Variants in CCDC15 observed in about 807,000 individuals in gnomAD.
CCDC15 encodes the protein coiled-coil domain containing 15.
In CCDC15, 105 loss-of-function variants were observed where a neutral mutation model predicts 114.5. The ratio of observed to expected loss-of-function variants is 0.92; its 90% confidence interval spans 0.78 to 1.08. CCDC15 has a LOEUF of 1.08. Among genes scored for constraint, CCDC15 ranks in the 50% least tolerant of loss-of-function variants. The pLI is 0.00. For synonymous variants in CCDC15, 334 were observed against 377.8 expected (o/e 0.88, Z 1.34); for missense variants, 1,105 against 1,093.6 (o/e 1.01, Z -0.15).
intron 13 of CCDC15, among the ~76,000 whole-genome samples, chr11:125,027,152 A>T (rs912750507): frequency 1.3e-5 from 2 of 152,100 alleles, no homozygotes; most frequent in African/African-American, 4.8e-5. Flanking sequence ...ATGGACATTT[A>T]TGTTGGTTCC....
chr11:125,011,244 TA>T (rs1034391474), intron 13 of CCDC15, among the ~76,000 whole-genome samples: 56 of 146,814 alleles, frequency 3.8e-4, no homozygotes, highest in East Asian at 9.8e-4. Flanking sequence ...TTATTATTAT[TA>T]TTATTTTTTA....
intron 13 of CCDC15, among the ~76,000 whole-genome samples, chr11:125,031,309 A>G (rs1948737669): frequency 6.6e-6 from 1 of 152,060 alleles, no homozygotes; most frequent in African/African-American, 2.4e-5. Context: ...ATCACAGGGA[A>G]CTCCCCATGA....
intron 13 of CCDC15, among the ~76,000 whole-genome samples, chr11:125,025,069 TATATGAATATATATGAATATATATATGA>T (rs1565382072): frequency 2.2e-4 from 13 of 59,460 alleles, no homozygotes; most frequent in African/African-American, 7.6e-4. Context: ...TATATATGAA[TATATGAATATATATGAATATATATATGA>T]ATATATATGA....
chr11:125,009,176 G>A (rs909585964), intron 13 of CCDC15, among the ~76,000 whole-genome samples: 4 of 151,032 alleles, frequency 2.6e-5, no homozygotes, highest in Admixed American at 6.6e-5. Flanking sequence ...GCAGTGAGCC[G>A]AGATCGTGCC....
At chr11:124,967,917 G>T (rs1364479416) in intron 4 of CCDC15, among the ~76,000 whole-genome samples, 2 of 152,168 alleles carry the variant, frequency 1.3e-5, no homozygotes, top group Admixed American at 6.5e-5. Flanking sequence ...GTTGGAGTTT[G>T]CTGGAGGTCC....
intron 2 of CCDC15, 39 bp downstream of exon 2, chr11:124,954,948 A>G: frequency 6.3e-7 from 1 of 1,589,266 alleles, no homozygotes; most frequent in Non-Finnish European, 8.6e-7. Context: ...GGGGTTCCCC[A>G]CCACCCTTTT....
At chr11:125,025,067 A>AATATATATATGAATATATGAAT (rs1365002248) in intron 13 of CCDC15, among the ~76,000 whole-genome samples, 1 of 115,110 alleles carries the variant, frequency 8.7e-6, no homozygotes, top group East Asian at 2.2e-4. Flanking sequence ...TATATATATG[A>AATATATATATGAATATATGAAT]ATATATGAAT....
In CCDC15 at chr11:124,986,710, C is replaced by G. The variant is rs764033281; in HGVS notation, c.754-32C>G. 1.3e-5 allele frequency: 18 copies of G among 1,423,468 alleles called. 1 individual carries two copies. The highest frequency in any genetic ancestry group is 1.7e-5 in the Non-Finnish European group (18 of 1,066,656). The allele number at this position is 1,423,468 out of a possible 1,614,324, so 88.2% of individuals were successfully genotyped here. A position where few individuals can be genotyped will look rare whatever the true frequency, so the allele number is the denominator to read the frequency against. ...GTGTGTTTGTGTGTGTGCGCGCGCG[C>G]GCGTGCGCGTTTTCATTGTTTTTTT... On this transcript the variant is annotated intron_variant, in intron 6 of 15. Transcript: ENST00000344762.
At chr11:125,036,985 T>C (rs1948779759) in intron 13 of CCDC15, among the ~76,000 whole-genome samples, 1 of 152,204 alleles carries the variant, frequency 6.6e-6, no homozygotes, top group Non-Finnish European at 1.5e-5. Flanking sequence ...GTGACTTATT[T>C]AGTTCTTTTG....
intron 13 of CCDC15, among the ~76,000 whole-genome samples, chr11:125,022,564 G>A (rs1457726346): frequency 1.3e-5 from 2 of 151,892 alleles, no homozygotes; most frequent in African/African-American, 4.8e-5. Flanking sequence ...ACCATCTCTT[G>A]TGTGTTTTTC....
At chr11:125,021,844 C>T (rs1200285690) in intron 13 of CCDC15, among the ~76,000 whole-genome samples, 2 of 151,944 alleles carry the variant, frequency 1.3e-5, no homozygotes, top group Non-Finnish European at 2.9e-5. Flanking sequence ...TAGAGAATTA[C>T]ACCAGTAACT....
intron 13 of CCDC15, 122 bp from the exon 14 acceptor site, chr11:125,038,309 A>T: frequency 1.6e-6 from 1 of 621,910 alleles, no homozygotes; most frequent in Non-Finnish European, 2.6e-6. Flanking sequence ...TATTCTTGGG[A>T]TATTAAACTG....
chr11:124,970,572 G>T (rs974307138), intron 4 of CCDC15, among the ~76,000 whole-genome samples: 3 of 152,004 alleles, frequency 2.0e-5, no homozygotes, highest in Non-Finnish European at 4.4e-5. Context: ...ACTTTACATT[G>T]GTATTAGTCC....
At chr11:124,960,471 T>A (rs34267421) in intron 4 of CCDC15, among the ~76,000 whole-genome samples, 30,926 of 152,026 alleles carry the variant, frequency 0.2, 3,748 homozygotes, top group African/African-American at 0.34. Flanking sequence ...AGTTTGTAAT[T>A]TACAGAGAGA....
chr11:124,961,296 G>A (rs1299023976), intron 4 of CCDC15, among the ~76,000 whole-genome samples: 3 of 152,132 alleles, frequency 2.0e-5, no homozygotes, highest in Non-Finnish European at 2.9e-5. Context: ...GGATTGTAGC[G>A]ATACTAAGGA....
intron 11 of CCDC15, among the ~76,000 whole-genome samples, chr11:125,000,330 A>G (rs563953273): frequency 6.6e-6 from 1 of 152,262 alleles, no homozygotes; most frequent in African/African-American, 2.4e-5. Flanking sequence ...TTAGTTTTCA[A>G]AGCTTTCATT....
intron 4 of CCDC15, among the ~76,000 whole-genome samples, chr11:124,974,200 C>T (rs949321162): frequency 2.8e-4 from 42 of 152,108 alleles, no homozygotes; most frequent in African/African-American, 8.4e-4. Context: ...GTCTCGGTCT[C>T]GAACTCCTGA....
At chr11:124,998,304 C>A (rs1419471446) in intron 11 of CCDC15, among the ~76,000 whole-genome samples, 1 of 152,096 alleles carries the variant, frequency 6.6e-6, no homozygotes, top group Non-Finnish European at 1.5e-5. Flanking sequence ...TCCTGTGCTT[C>A]CTTATAGTCA....
chr11:125,005,984 G>T (rs1948548809), intron 13 of CCDC15, among the ~76,000 whole-genome samples: 1 of 151,996 alleles, frequency 6.6e-6, no homozygotes, highest in South Asian at 2.1e-4. Context: ...CATATTATTT[G>T]CTGCCAATAT....
Sources: gnomAD v4.1 joint callset for allele counts (sites outside exome capture counted in the v4.1 genomes callset) on GRCh38, gnomAD v4.1.1 for gene constraint, MANE v1.5 for transcripts, NCBI Gene and HGNC (gene_info 2026-07-23, HGNC 2026-07-21) for gene names.